The following PCDHA2 variants were observed in gnomAD, a reference collection of about 807,000 sequenced individuals.
PCDHA2 encodes protocadherin alpha 2.
A neutral mutation model predicts 66.0 loss-of-function variants in PCDHA2; 58 were observed. That is an observed-to-expected ratio of 0.88 (90% confidence interval 0.71 to 1.09). PCDHA2 has a LOEUF of 1.09. PCDHA2 is among the 50% of genes least tolerant of loss of function. The pLI is 0.00. For synonymous variants in PCDHA2, 634 were observed against 554.0 expected (o/e 1.14, Z -2.03); for missense variants, 1,267 against 1,242.3 (o/e 1.02, Z -0.30).
intron 1 of PCDHA2, chr5:140,814,378 T>C (rs1765503898): frequency 1.3e-5 from 2 of 152,092 alleles, no homozygotes; most frequent in Admixed American, 1.3e-4. Flanking sequence ...TCATCTCCTA[T>C]GATAACAATA....
At chr5:140,829,863 T>C in intron 1 of PCDHA2, 3 of 1,613,908 alleles carry the variant, frequency 1.9e-6, no homozygotes, top group Non-Finnish European at 2.5e-6. Flanking sequence ...GGCCAAGTGG[T>C]GGCGAAGGTG....
intron 1 of PCDHA2, among the ~76,000 whole-genome samples, chr5:140,976,855 G>A (rs946538789): frequency 9.9e-5 from 15 of 152,142 alleles, no homozygotes; most frequent in Non-Finnish European, 1.5e-4. Flanking sequence ...CTTTCATAGA[G>A]TTTACTGTCT....
rs1328538112 is a variant in PCDHA2, at chr5:140,795,785, A to G, written c.821A>G (p.Asn274Ser). The G allele has an allele frequency of 1.2e-6, 2 of 1,613,766 alleles. No homozygotes were observed. Among genetic ancestry groups the G allele is most frequent in the African/African-American group, 2.7e-5 (2 of 74,920 alleles). The part of the protein sequence containing the change: ...LNASDADEGP[N>S]SEIVYSLGSD... ...GCTTCTGATGCAGATGAAGGACCGA[A>G]CAGCGAGATTGTGTATTCACTCGGT... Residue 274 changes from asparagine to serine, a missense_variant, in exon 1 of 4, where the codon AAC (asparagine) becomes AGC (serine). Transcript: ENST00000526136.
chr5:140,884,083 G>A, intron 1 of PCDHA2: 1 of 1,613,596 alleles, frequency 6.2e-7, no homozygotes. Context: ...GCTACAATGC[G>A]TGGCTTTCGT....
chr5:140,841,702 T>G (rs1554138466), intron 1 of PCDHA2: 1 of 1,613,896 alleles, frequency 6.2e-7, no homozygotes, highest in Non-Finnish European at 8.5e-7. Flanking sequence ...AGGATGTTAA[T>G]GACAACCCGC....
At chr5:140,856,459 A>G (rs566691333) in intron 1 of PCDHA2, 2 of 1,598,380 alleles carry the variant, frequency 1.3e-6, no homozygotes, top group South Asian at 2.2e-5. Flanking sequence ...TAACAGAACA[A>G]AAGCTCTCAA....
At chr5:140,933,863 A>G (rs2089469278) in intron 1 of PCDHA2, among the ~76,000 whole-genome samples, 1 of 151,666 alleles carries the variant, frequency 6.6e-6, no homozygotes, top group Non-Finnish European at 1.5e-5. Context: ...ATTTTTTCAG[A>G]TATATGTTAG....
chr5:140,828,187 C>A (rs2150152114), intron 1 of PCDHA2: 1 of 1,614,148 alleles, frequency 6.2e-7, no homozygotes, highest in Non-Finnish European at 8.5e-7. Context: ...GCCAGCTCCA[C>A]TACTCCGTAC....
At chr5:140,841,520 G>T (rs1777298038) in intron 1 of PCDHA2, 2 of 1,613,470 alleles carry the variant, frequency 1.2e-6, no homozygotes, top group East Asian at 2.2e-5. Flanking sequence ...GTTCCGGGTG[G>T]CGTCCAAAAG....
chr5:140,969,393 C>T, intron 1 of PCDHA2: 1 of 1,590,146 alleles, frequency 6.3e-7, no homozygotes. Flanking sequence ...CCCCCAATAT[C>T]CTGTGATTTG....
In PCDHA2 at chr5:140,858,436, G is replaced by A. The variant is rs781811192; in HGVS notation, c.2388+61084G>A. 9 of 1,542,522 alleles carry A rather than the reference G, an allele frequency of 5.8e-6. 1 individual carries two copies. In the South Asian group the frequency reaches 1.1e-4, roughly 18 times the overall value. ...CTATTGGAGGGGACCACTCTAGGAA[G>A]GTGGGTTATTACGTTTTCATTTTCC... On this transcript the variant is annotated intron_variant, in intron 1 of 3. Coordinates refer to ENST00000526136, the MANE Select transcript of PCDHA2 (RefSeq NM_018905.3).
Position 140,918,290 on chromosome 5 carries a change from C to A in PCDHA2, c.2389-60659C>A, listed in dbSNP as rs188994807. ...TTTATCAGATGTAGGAGCTTTTTGG[C>A]AGAGAATATAGGGTTTTCTAGGTAT... On this transcript the variant is annotated intron_variant, in intron 1 of 3. Transcript: ENST00000526136. Among the ~76,000 whole-genome samples the A allele has an allele frequency of 2.1e-3, 321 of 152,226 alleles. 1 individual carries two copies. Among genetic ancestry groups the A allele is most frequent in the African/African-American group, 7.5e-3 (313 of 41,534 alleles).
intron 1 of PCDHA2, among the ~76,000 whole-genome samples, chr5:140,950,049 CTATT>C (rs2094445672): frequency 1.3e-5 from 2 of 151,756 alleles, no homozygotes; most frequent in Non-Finnish European, 3.0e-5. Flanking sequence ...CCATATAAGA[CTATT>C]TAGCTCTTCC....
At chr5:140,877,443 C>G (rs376417721) in intron 1 of PCDHA2, 15 of 1,613,726 alleles carry the variant, frequency 9.3e-6, no homozygotes, top group African/African-American at 1.3e-5. Context: ...ACGGTGAGCC[C>G]GCGCTGACGT....
At chr5:140,803,450 G>T (rs781829474) in intron 1 of PCDHA2, 8 of 1,613,972 alleles carry the variant, frequency 5.0e-6, no homozygotes, top group South Asian at 3.3e-5. Context: ...GGTCATACTC[G>T]CAGCAGAGGC....
Position 140,857,399 on chromosome 5 carries a change from G to A in PCDHA2, c.2388+60047G>A, listed in dbSNP as rs375062704. ...GGAGGTGGCCGACGTGAACGACAAC[G>A]CGCCTGCGTTCGCGCAGTCCGAGTA... On this transcript the variant is annotated intron_variant, in intron 1 of 3. Coordinates refer to ENST00000526136, the MANE Select transcript of PCDHA2 (RefSeq NM_018905.3). 3 of 1,598,394 alleles carry A rather than the reference G, an allele frequency of 1.9e-6. No homozygotes were observed. In the African/African-American group the frequency reaches 4.0e-5, roughly 21 times the overall value.
At chr5:140,893,219 G>C (rs1273209081) in intron 1 of PCDHA2, among the ~76,000 whole-genome samples, 1 of 152,194 alleles carries the variant, frequency 6.6e-6, no homozygotes, top group Non-Finnish European at 1.5e-5. Flanking sequence ...GGAGGTGCAG[G>C]TATCACTTTG....
chr5:140,843,556 G>A, intron 1 of PCDHA2: 1 of 1,595,980 alleles, frequency 6.3e-7, no homozygotes, highest in Non-Finnish European at 8.6e-7. Context: ...CCAGTGCGGT[G>A]GGGAGCTGGT....
intron 1 of PCDHA2, among the ~76,000 whole-genome samples, chr5:140,953,228 G>A (rs2094861370): frequency 6.6e-6 from 1 of 152,124 alleles, no homozygotes; most frequent in South Asian, 2.1e-4. Flanking sequence ...CTTCTGCTTG[G>A]TAGCAGTTCA....
Sources: gnomAD v4.1 joint callset for allele counts (sites outside exome capture counted in the v4.1 genomes callset) on GRCh38, gnomAD v4.1.1 for gene constraint, MANE v1.5 for transcripts, NCBI Gene and HGNC (gene_info 2026-07-23, HGNC 2026-07-21) for gene names.